Variants in WNT7A observed in about 807,000 individuals in gnomAD.
WNT7A encodes the protein Wnt family member 7A, also known as protein Wnt-7a.
In WNT7A, 16 loss-of-function variants were observed where a neutral mutation model predicts 28.2. That is an observed-to-expected ratio of 0.57 (90% confidence interval 0.38 to 0.86). WNT7A has a LOEUF of 0.86. Ranked by LOEUF, WNT7A falls within the 40% of genes least tolerant of loss-of-function variation. WNT7A has a pLI of 0.00. For synonymous variants in WNT7A, 190 were observed against 195.9 expected (o/e 0.97, Z 0.25); for missense variants, 411 against 489.7 (o/e 0.84, Z 1.52).
At chr3:13,867,410 G>A (rs1287504881) in intron 2 of WNT7A, among the ~76,000 whole-genome samples, 3 of 152,108 alleles carry the variant, frequency 2.0e-5, no homozygotes, top group Non-Finnish European at 4.4e-5. Context: ...AGCAAGGGGG[G>A]ACTCACAACT....
intron 3 of WNT7A, 21 bp from the exon 4 acceptor site, chr3:13,819,444 G>C (rs1165935650): frequency 6.2e-7 from 1 of 1,609,136 alleles, no homozygotes; most frequent in African/African-American, 1.3e-5. Context: ...GGGCGGGGAA[G>C]AGCACAGCAC....
intron 2 of WNT7A, among the ~76,000 whole-genome samples, chr3:13,873,079 G>A (rs1163394617): frequency 1.3e-5 from 2 of 152,050 alleles, no homozygotes; most frequent in Admixed American, 1.3e-4. Context: ...GACAAGCAAG[G>A]GGAGGCTCAC....
At chr3:13,829,531 G>C (rs1362046866) in intron 3 of WNT7A, among the ~76,000 whole-genome samples, 1 of 152,212 alleles carries the variant, frequency 6.6e-6, no homozygotes, top group Non-Finnish European at 1.5e-5. Flanking sequence ...AGGGCTAGAA[G>C]GGCAGGGCAG....
intron 3 of WNT7A, among the ~76,000 whole-genome samples, chr3:13,823,301 G>C (rs1437518136): frequency 6.6e-6 from 1 of 152,202 alleles, no homozygotes; most frequent in Non-Finnish European, 1.5e-5. Flanking sequence ...GGAGGTCTGA[G>C]GGCTTTCAGG....
intron 2 of WNT7A, among the ~76,000 whole-genome samples, chr3:13,856,013 A>G (rs1485128579): frequency 6.6e-6 from 1 of 151,330 alleles, no homozygotes. Flanking sequence ...TCACCTTGGG[A>G]CCTCCCTCCC....
In WNT7A at chr3:13,825,657, C is replaced by A. The variant is rs186957891; in HGVS notation, c.571-6234G>T. 1.1e-3 allele frequency among the ~76,000 whole-genome samples: 163 copies of A among 152,332 alleles called. 1 individual carries two copies. Among genetic ancestry groups the A allele is most frequent in the African/African-American group, 3.2e-3 (131 of 41,580 alleles). On this transcript the variant is annotated intron_variant, in intron 3 of 3. Coordinates refer to ENST00000285018, the MANE Select transcript of WNT7A (RefSeq NM_004625.4). ...GCCTGGGAGTGTGATTAGTGCATAG[C>A]CTCCAGCTGTCAGATCCTTCAGGGT...
chr3:13,836,054 G>A (rs910533541), intron 3 of WNT7A, among the ~76,000 whole-genome samples: 4 of 152,200 alleles, frequency 2.6e-5, no homozygotes, highest in East Asian at 1.9e-4. Context: ...AGTAGGTACA[G>A]AGTTTCTTTG....
chr3:13,861,073 C>T (rs1694821112), intron 2 of WNT7A, among the ~76,000 whole-genome samples: 1 of 152,332 alleles, frequency 6.6e-6, no homozygotes, highest in Admixed American at 6.5e-5. Context: ...AGGACTCAAA[C>T]TCGTACAGCT....
chr3:13,851,014 C>T (rs1196555393), intron 3 of WNT7A, among the ~76,000 whole-genome samples: 2 of 152,096 alleles, frequency 1.3e-5, no homozygotes, highest in East Asian at 3.9e-4. Flanking sequence ...TCCCATCGGG[C>T]AATCCTACAA....
chr3:13,839,604 C>T (rs1357551555), intron 3 of WNT7A, among the ~76,000 whole-genome samples: 1 of 152,156 alleles, frequency 6.6e-6, no homozygotes, highest in Non-Finnish European at 1.5e-5. Context: ...CTTTTTAAAG[C>T]CTGGGAAATA....
At chr3:13,838,628 G>T (rs1466809433) in intron 3 of WNT7A, among the ~76,000 whole-genome samples, 1 of 152,242 alleles carries the variant, frequency 6.6e-6, no homozygotes, top group South Asian at 2.1e-4. Context: ...CTGGGAAAGG[G>T]CTTCAAGGGG....
At chr3:13,849,844 C>T (rs532277465) in intron 3 of WNT7A, among the ~76,000 whole-genome samples, 2 of 152,280 alleles carry the variant, frequency 1.3e-5, no homozygotes, top group Admixed American at 1.3e-4. Context: ...GTGCAATGGC[C>T]CTGAGGTGCG....
chr3:13,833,095 G>C (rs866555604), intron 3 of WNT7A, among the ~76,000 whole-genome samples: 1 of 151,820 alleles, frequency 6.6e-6, no homozygotes, highest in Non-Finnish European at 1.5e-5. Flanking sequence ...AACCTGTGTG[G>C]CCTGCACACA....
intron 3 of WNT7A, among the ~76,000 whole-genome samples, chr3:13,837,880 G>A (rs1245338536): frequency 2.0e-5 from 3 of 152,158 alleles, no homozygotes; most frequent in Non-Finnish European, 4.4e-5. Context: ...CCTGAGACAT[G>A]AGGAGCAGCT....
intron 1 of WNT7A, among the ~76,000 whole-genome samples, chr3:13,875,583 G>A (rs1281366228): frequency 6.6e-6 from 1 of 152,110 alleles, no homozygotes; most frequent in Non-Finnish European, 1.5e-5. Context: ...AGGCAAGCAA[G>A]GAAATGATGA....
rs116017735 is a variant in WNT7A, at chr3:13,857,736, C to T, written c.299-2933G>A. Among the ~76,000 whole-genome samples, 1,073 of 152,146 alleles carry T rather than the reference C, an allele frequency of 7.1e-3. 15 individuals are homozygous for T. Among genetic ancestry groups the T allele is most frequent in the African/African-American group, 0.023 (972 of 41,492 alleles). On this transcript the variant is annotated intron_variant, in intron 2 of 3. Coordinates refer to ENST00000285018, the MANE Select transcript of WNT7A (RefSeq NM_004625.4). ...CAAGAAAACCAAACCCTCAGGGAGACAGTCAATATCCAGAATAGACCCTCA... is the reference window on the plus strand; with the variant it reads ...CAAGAAAACCAAACCCTCAGGGAGATAGTCAATATCCAGAATAGACCCTCA...
In WNT7A at chr3:13,872,469, ATTCAAAC is replaced by A. The variant is rs1695040887; in HGVS notation, c.298+2471_298+2477del. Among the ~76,000 whole-genome samples the A allele has an allele frequency of 2.0e-5, 3 of 152,078 alleles. No homozygotes were observed. In the South Asian group the frequency reaches 6.2e-4, roughly 32 times the overall value. On this transcript the variant is annotated intron_variant, in intron 2 of 3. Transcript: ENST00000285018. ...ATCCTCCAACGACTCCCACTCAGAA[ATTCAAAC>A]TTGTTAAATTGACCCTGTATACCTC...
In WNT7A at chr3:13,874,929, G is replaced by T; in HGVS notation, c.298+18C>A. 1.9e-6 allele frequency: 3 copies of T among 1,613,170 alleles called. No homozygotes were observed. The highest frequency in any genetic ancestry group is 2.5e-6 in the Non-Finnish European group (3 of 1,179,638). ...AGAGCCGGTAAGACTCTGCGGGGGT[G>T]TTTGGGTGAGCACATACCCACTTTG... On this transcript the variant is annotated intron_variant, in intron 2 of 3. Transcript: ENST00000285018.
intron 2 of WNT7A, among the ~76,000 whole-genome samples, chr3:13,856,877 A>AGAGGAG (rs1428568751): frequency 7.6e-6 from 1 of 131,276 alleles, no homozygotes; most frequent in African/African-American, 3.1e-5. Flanking sequence ...AAGAGGAAGA[A>AGAGGAG]GAGGAAGAAG....
Sources: allele counts gnomAD v4.1 joint callset (sites outside exome capture counted in the v4.1 genomes callset), GRCh38; gene constraint gnomAD v4.1.1; transcripts MANE v1.5; gene names NCBI Gene and HGNC (gene_info 2026-07-23, HGNC 2026-07-21).